CDC42BPA: variants seen among roughly 807,000 people sequenced by gnomAD.
The protein encoded by CDC42BPA is serine/threonine-protein kinase MRCK alpha.
CDC42BPA carries 80 observed loss-of-function variants against 223.5 expected under a neutral mutation model. The ratio of observed to expected loss-of-function variants is 0.36; its 90% CI spans 0.30 to 0.43. The LOEUF is 0.43. Among genes scored for constraint, CDC42BPA ranks in the 20% least tolerant of loss-of-function variants. CDC42BPA has a pLI of 1.00. For synonymous variants in CDC42BPA, 694 were observed against 718.6 expected (o/e 0.97, Z 0.55); for missense variants, 1,743 against 2,099.9 (o/e 0.83, Z 3.32).
chr1:227,109,742 T>C (rs1686596398), intron 14 of CDC42BPA, among the ~76,000 whole-genome samples: 1 of 151,824 alleles, frequency 6.6e-6, no homozygotes, highest in Non-Finnish European at 1.5e-5. Flanking sequence ...TGAAACATTT[T>C]TGTTAAAAAT....
In CDC42BPA at chr1:227,317,105, G is replaced by A; in HGVS notation, c.78C>T (p.Phe26=). ...DGPAQTNGQC[F]SVETLLDILI... is the part of the protein sequence containing the mutation. The stretch of plus-strand genomic sequence containing the variant: ...GTATATCCAGTAATGTCTCCACACT[G>A]AAGCACTGCCCATTGGTCTGAGCGG... The change falls in exon 1 of 37, where the codon TTC becomes TTT. Residue 26 remains phenylalanine, a synonymous_variant. Transcript: ENST00000366766. 6.2e-7 allele frequency: 1 copy of A among 1,614,038 alleles called. No individual in the cohort carries two copies. The highest frequency in any genetic ancestry group is 8.5e-7 in the Non-Finnish European group (1 of 1,179,930).
intron 9 of CDC42BPA, among the ~76,000 whole-genome samples, chr1:227,141,183 TG>T: frequency 6.6e-6 from 1 of 152,308 alleles, no homozygotes; most frequent in East Asian, 1.9e-4. Flanking sequence ...CATGAAGTGA[TG>T]GGGGCACACA....
intron 2 of CDC42BPA, among the ~76,000 whole-genome samples, chr1:227,251,639 G>C (rs1682027596): frequency 6.6e-6 from 1 of 152,062 alleles, no homozygotes; most frequent in Non-Finnish European, 1.5e-5. Flanking sequence ...GAGATCATGG[G>C]AACACTCCAT....
At chr1:227,112,444 G>A in intron 13 of CDC42BPA, 22 bp from the exon 14 acceptor site, 2 of 1,506,454 alleles carry the variant, frequency 1.3e-6, no homozygotes, top group Non-Finnish European at 1.8e-6. Flanking sequence ...AATGAAAAAT[G>A]CAGATTTCAC....
chr1:227,155,675 C>T (rs146669739), intron 6 of CDC42BPA, among the ~76,000 whole-genome samples: 11 of 152,180 alleles, frequency 7.2e-5, no homozygotes, highest in East Asian at 3.9e-4. Flanking sequence ...GTGACAATTA[C>T]ACGGGAAATT....
At chr1:227,050,276 C>T (rs1399424400) in intron 22 of CDC42BPA, among the ~76,000 whole-genome samples, 2 of 152,088 alleles carry the variant, frequency 1.3e-5, no homozygotes, top group Non-Finnish European at 2.9e-5. Flanking sequence ...AAAAATGACA[C>T]TTAATACCCA....
At chr1:227,045,137 TGTTCTGGTAGAACTAATTAA>T (rs1672173036) in intron 23 of CDC42BPA, among the ~76,000 whole-genome samples, 1 of 152,224 alleles carries the variant, frequency 6.6e-6, no homozygotes, top group Admixed American at 6.5e-5. Context: ...TCCCCTTCCT[TGTTCTGGTAGAACTAATTAA>T]GTTTCCTTAG....
chr1:227,283,594 T>C (rs1186539351), intron 1 of CDC42BPA, among the ~76,000 whole-genome samples: 1 of 151,926 alleles, frequency 6.6e-6, no homozygotes, highest in African/African-American at 2.4e-5. Flanking sequence ...GAGATAAAAA[T>C]GGAGGAAAAA....
chr1:227,006,780 C>A (rs879771015), intron 34 of CDC42BPA, among the ~76,000 whole-genome samples: 10 of 151,958 alleles, frequency 6.6e-5, no homozygotes, highest in African/African-American at 2.2e-4. Context: ...ACTATAAATA[C>A]AAAAAAATTA....
chr1:227,208,888 T>C (rs1673337905), intron 3 of CDC42BPA, among the ~76,000 whole-genome samples: 1 of 152,122 alleles, frequency 6.6e-6, no homozygotes, highest in Non-Finnish European at 1.5e-5. Context: ...TCCAATTCTG[T>C]GAAGAAAGTC....
chr1:227,028,949 G>C lies in CDC42BPA; in HGVS notation c.4140C>G (p.Val1380=). ...TTGCCATCCACTGGACATTATATGGGACTTGAATTTCTTTAAATTTTCTGT... is the reference window on the plus strand; with the variant it reads ...TTGCCATCCACTGGACATTATATGGCACTTGAATTTCTTTAAATTTTCTGT... The part of the protein sequence containing the change: ...TRHRKFKEIQ[V]PYNVQWMAIF... The change falls in exon 30 of 37, where the codon GTC becomes GTG. Residue 1380 remains valine, a synonymous_variant. Transcript: ENST00000366766. 3 of 1,614,124 alleles carry C rather than the reference G, an allele frequency of 1.9e-6. No individual in the cohort carries two copies. The highest frequency in any genetic ancestry group is 1.7e-6 in the Non-Finnish European group (2 of 1,180,018).
chr1:227,253,292 G>A (rs938173576), intron 2 of CDC42BPA, among the ~76,000 whole-genome samples: 4 of 152,212 alleles, frequency 2.6e-5, no homozygotes, highest in African/African-American at 9.6e-5. Context: ...GCGTGCATGT[G>A]TATCTTTACA....
intron 35 of CDC42BPA, among the ~76,000 whole-genome samples, chr1:227,003,485 T>G (rs538590535): frequency 4.6e-5 from 7 of 152,334 alleles, no homozygotes; most frequent in African/African-American, 1.7e-4. Context: ...CAATGATCAC[T>G]TGATAATCTA....
At chr1:227,039,239 G>A (rs1394672237) in intron 24 of CDC42BPA, among the ~76,000 whole-genome samples, 1 of 152,076 alleles carries the variant, frequency 6.6e-6, no homozygotes, top group Non-Finnish European at 1.5e-5. Context: ...ACATTCTCAG[G>A]ACCCTCTGTT....
At chr1:227,166,239 A>G (rs1665012125) in intron 5 of CDC42BPA, among the ~76,000 whole-genome samples, 1 of 152,200 alleles carries the variant, frequency 6.6e-6, no homozygotes, top group Admixed American at 6.5e-5. Context: ...ATTTGGGCAG[A>G]CGGAAACTCT....
intron 2 of CDC42BPA, among the ~76,000 whole-genome samples, chr1:227,228,533 C>T (rs758849405): frequency 1.3e-5 from 2 of 152,124 alleles, no homozygotes; most frequent in Non-Finnish European, 2.9e-5. Flanking sequence ...AATTCTCTTG[C>T]GTTTGTACAC....
At position 227,119,978 on chromosome 1, in the gene CDC42BPA, A is replaced by C. The variant is rs574625950; in HGVS notation, c.1514-41T>G. ...AATGTTTCTTTTACTATTTGTATAAAAGCAAATGATTGAACCTAAGGTAAA... is the reference window on the plus strand; with the variant it reads ...AATGTTTCTTTTACTATTTGTATAACAGCAAATGATTGAACCTAAGGTAAA... On this transcript the variant is annotated intron_variant, in intron 11 of 36. Transcript: ENST00000366766. 41 of 1,512,014 alleles carry C rather than the reference A, an allele frequency of 2.7e-5. No individual in the cohort carries two copies. In the Middle Eastern group the frequency reaches 5.3e-4, roughly 20 times the overall value. The allele number at this position is 1,512,014 out of a possible 1,614,324, so 93.7% of individuals were successfully genotyped here.
intron 2 of CDC42BPA, among the ~76,000 whole-genome samples, chr1:227,251,034 C>T (rs1166546300): frequency 6.6e-6 from 1 of 151,948 alleles, no homozygotes; most frequent in Non-Finnish European, 1.5e-5. Context: ...GCCAGAGAGA[C>T]AAAGCAAAAC....
intron 1 of CDC42BPA, among the ~76,000 whole-genome samples, chr1:227,294,062 A>G (rs4406606): frequency 0.31 from 46,324 of 151,038 alleles, 7,193 homozygotes; most frequent in East Asian, 0.36. Context: ...ACAAGGTCAG[A>G]AGATCAAGAC....
Sources: gnomAD v4.1 joint callset for allele counts (sites outside exome capture counted in the v4.1 genomes callset) on GRCh38, gnomAD v4.1.1 for gene constraint, MANE v1.5 for transcripts, NCBI Gene and HGNC (gene_info 2026-07-23, HGNC 2026-07-21) for gene names.